Variants in SYPL1 observed in about 807,000 individuals in gnomAD.
The protein encoded by SYPL1 is synaptophysin-like protein 1.
In SYPL1, 6 loss-of-function variants were observed where a neutral mutation model predicts 23.7. The ratio of observed to expected loss-of-function variants is 0.25; its 90% confidence interval spans 0.14 to 0.50. SYPL1 has a LOEUF of 0.50. Ranked by LOEUF, SYPL1 falls within the 20% of genes least tolerant of loss-of-function variation. The probability of loss-of-function intolerance (pLI) is 0.98; values close to 1 mark genes in which losing one functional copy is unlikely to be tolerated. For synonymous variants in SYPL1, 102 were observed against 104.5 expected (o/e 0.98, Z 0.15); for missense variants, 253 against 288.9 (o/e 0.88, Z 0.90).
Position 106,091,711 on chromosome 7 carries a change from A to G in SYPL1, c.*94T>C, listed in dbSNP as rs779723643. ...AACCCACCAATATATTGACAAAGCC[A>G]TTACTTTTATTAGAAACAAATAATG... On this transcript the variant is annotated 3_prime_UTR_variant, in exon 5 of 5. Coordinates refer to ENST00000455385, the MANE Select transcript of SYPL1 (RefSeq NM_182715.4). The surrounding 1 kb of genome is among the most constrained non-coding windows in gnomAD (Gnocchi z 5.0). The G allele has an allele frequency of 2.1e-5, 28 of 1,364,138 alleles. No individual in the cohort carries two copies. The highest frequency in any genetic ancestry group is 2.6e-5 in the Non-Finnish European group (27 of 1,024,262). 84.5% of individuals were successfully genotyped at this position (1,364,138 alleles called of 1,614,324 possible).
chr7:106,098,014 G>A, intron 2 of SYPL1, 117 bp from the exon 3 acceptor site: 2 of 819,546 alleles, frequency 2.4e-6, no homozygotes, highest in South Asian at 4.1e-5. Context: ...ACATTCCTTT[G>A]GGGAAAAAAG....
rs1191112809 is a variant in SYPL1 at position 106,094,922 on chromosome 7, G to C, written c.403-1785C>G. 3.3e-5 allele frequency among the ~76,000 whole-genome samples: 5 copies of C among 152,146 alleles called. No homozygotes were observed. In the South Asian group the frequency reaches 6.2e-4, roughly 19 times the overall value. On this transcript the variant is annotated intron_variant, in intron 3 of 4. Coordinates refer to ENST00000455385, the MANE Select transcript of SYPL1 (RefSeq NM_182715.4). ...CGTGGGGGGAATTCTGGTCCCTTCA[G>C]ATAGTATTTGCTCTACTCAGGACTC...
rs897651428 is a variant in SYPL1, at chr7:106,109,663, C to T, written c.69+2477G>A. Among the ~76,000 whole-genome samples, 4 of 152,170 alleles carry T rather than the reference C, an allele frequency of 2.6e-5. No individual in the cohort carries two copies. Among genetic ancestry groups the T allele is most frequent in the Non-Finnish European group, 4.4e-5 (3 of 68,034 alleles). ...TCAATACATCTGAAACCTTTGACTT[C>T]CCATAAAATCTGCTCCTCCTCCTCT... On this transcript the variant is annotated intron_variant, in intron 1 of 4. Coordinates refer to ENST00000455385, the MANE Select transcript of SYPL1 (RefSeq NM_182715.4). The surrounding 1 kb of genome is among the most constrained non-coding windows in gnomAD (Gnocchi z 4.3).
chr7:106,094,617 C>A (rs1839923486), intron 3 of SYPL1, among the ~76,000 whole-genome samples: 1 of 152,188 alleles, frequency 6.6e-6, no homozygotes, highest in Non-Finnish European at 1.5e-5. Flanking sequence ...TGCAGGTAGA[C>A]ATTTTCTAAA....
intron 3 of SYPL1, 38 bp from the exon 4 acceptor site, chr7:106,093,175 T>C: frequency 6.8e-7 from 1 of 1,474,080 alleles, no homozygotes; most frequent in Non-Finnish European, 9.1e-7. Flanking sequence ...AATGAACAGT[T>C]AATTTTAATA....
At chr7:106,111,151 C>A (rs540447128) in intron 1 of SYPL1, among the ~76,000 whole-genome samples, 1 of 152,282 alleles carries the variant, frequency 6.6e-6, no homozygotes, top group Admixed American at 6.5e-5. Flanking sequence ...CATTAGGTAC[C>A]CATCAGAGAA....
At chr7:106,107,183 ATAT>A (rs1452581469) in intron 1 of SYPL1, among the ~76,000 whole-genome samples, 1 of 152,232 alleles carries the variant, frequency 6.6e-6, no homozygotes, top group African/African-American at 2.4e-5. Context: ...TTAAAATGAA[ATAT>A]TATAGCACGT....
intron 1 of SYPL1, among the ~76,000 whole-genome samples, chr7:106,110,088 T>A (rs1790067614): frequency 6.6e-6 from 1 of 152,114 alleles, no homozygotes; most frequent in Admixed American, 6.5e-5. Context: ...AACACTCCAA[T>A]ATTCCATACC....
chr7:106,102,410 C>G (rs183923800), intron 1 of SYPL1, among the ~76,000 whole-genome samples: 3 of 152,178 alleles, frequency 2.0e-5, no homozygotes, highest in Non-Finnish European at 4.4e-5. Flanking sequence ...ATTGCAACTT[C>G]TGTCTTCCTT....
rs1272758889 is a variant in SYPL1, at chr7:106,109,525, T to C, written c.69+2615A>G. 6.6e-6 allele frequency among the ~76,000 whole-genome samples: 1 copy of C among 152,254 alleles called. No homozygotes were observed. Among genetic ancestry groups the C allele is most frequent in the Non-Finnish European group, 1.5e-5 (1 of 68,050 alleles). On this transcript the variant is annotated intron_variant, in intron 1 of 4. Coordinates refer to ENST00000455385, the MANE Select transcript of SYPL1 (RefSeq NM_182715.4). This position sits in a 1 kb window ranked among gnomAD's most constrained non-coding sequence, Gnocchi z 4.3. ...TTTCCTAACCATTCCTTCTCTCCTT[T>C]GCAGGCAGATATCTGCTATATCTGC...
At chr7:106,101,655 T>A (rs961962972) in intron 1 of SYPL1, among the ~76,000 whole-genome samples, 2 of 151,770 alleles carry the variant, frequency 1.3e-5, no homozygotes, top group African/African-American at 2.4e-5. Context: ...TACTAAATAA[T>A]GTTTTATGTT....
At chr7:106,093,549 C>T (rs1258459307) in intron 3 of SYPL1, among the ~76,000 whole-genome samples, 8 of 69,778 alleles carry the variant, frequency 1.1e-4, no homozygotes, top group East Asian at 1.7e-3. Flanking sequence ...CTCTGGCACC[C>T]CAATCCTAAA....
At chr7:106,093,989 A>G (rs940542907) in intron 3 of SYPL1, among the ~76,000 whole-genome samples, 1 of 152,240 alleles carries the variant, frequency 6.6e-6, no homozygotes, top group Non-Finnish European at 1.5e-5. Context: ...ATTTTAGATC[A>G]TAAGTCTAAT....
rs1236782259 is a variant in SYPL1 at position 106,104,148 on chromosome 7, T to G, written c.70-4866A>C. On this transcript the variant is annotated intron_variant, in intron 1 of 4. Transcript: ENST00000455385. This position sits in a 1 kb window ranked among gnomAD's most constrained non-coding sequence, Gnocchi z 4.1. ...TCTTTTAAGGCCCTACCCAATTCCC[T>G]GTGGTAGAACTCATGATTCTTCTCT... 1.3e-5 allele frequency among the ~76,000 whole-genome samples: 2 copies of G among 152,204 alleles called. No individual in the cohort carries two copies. The highest frequency in any genetic ancestry group is 2.9e-5 in the Non-Finnish European group (2 of 68,026).
At chr7:106,094,867 T>C (rs1839939092) in intron 3 of SYPL1, among the ~76,000 whole-genome samples, 1 of 152,094 alleles carries the variant, frequency 6.6e-6, no homozygotes, top group Admixed American at 6.5e-5. Context: ...TTTCTGAAAA[T>C]GATGCACAAA....
At chr7:106,107,898 T>G (rs562293309) in intron 1 of SYPL1, among the ~76,000 whole-genome samples, 1 of 151,912 alleles carries the variant, frequency 6.6e-6, no homozygotes, top group Non-Finnish European at 1.5e-5. Flanking sequence ...TATATTTATT[T>G]AAAAATCATT....
chr7:106,100,826 C>T lies in SYPL1; in HGVS notation c.70-1544G>A, dbSNP rs1840271358. Among the ~76,000 whole-genome samples the T allele has an allele frequency of 6.6e-6, 1 of 152,174 alleles. No individual in the cohort carries two copies. Among genetic ancestry groups the T allele is most frequent in the South Asian group, 2.1e-4 (1 of 4,830 alleles). On this transcript the variant is annotated intron_variant, in intron 1 of 4. Transcript: ENST00000455385. The surrounding 1 kb of genome is among the most constrained non-coding windows in gnomAD (Gnocchi z 5.1). ...AATGTTATCCTTTGCTCAAAACCCTCCAATGGCTTTTGAGCTCTCTATGAA... is the reference window on the plus strand; with the variant it reads ...AATGTTATCCTTTGCTCAAAACCCTTCAATGGCTTTTGAGCTCTCTATGAA...
rs1179904335 is a variant in SYPL1, at chr7:106,101,139, C to T, written c.70-1857G>A. On this transcript the variant is annotated intron_variant, in intron 1 of 4. Transcript: ENST00000455385. ...ATATCAAATAACAGCACTCCTACCC[C>T]GCACTACCTATTCCCTCTACTCTAT... is the stretch of plus-strand genomic sequence containing the variant. Among the ~76,000 whole-genome samples, 4 of 152,084 alleles carry T rather than the reference C, an allele frequency of 2.6e-5. No individual in the cohort carries two copies. The East Asian group carries it at 5.8e-4, about 22-fold the overall frequency.
chr7:106,094,475 G>A (rs946989753), intron 3 of SYPL1, among the ~76,000 whole-genome samples: 3 of 152,166 alleles, frequency 2.0e-5, no homozygotes, highest in African/African-American at 7.2e-5. Context: ...TTTTGTATCT[G>A]AGCTCTCTGC....
Sources: allele counts gnomAD v4.1 joint callset (sites outside exome capture counted in the v4.1 genomes callset), GRCh38; gene constraint gnomAD v4.1.1; non-coding constraint Gnocchi (gnomAD v3.1); transcripts MANE v1.5; gene names NCBI Gene and HGNC (gene_info 2026-07-23, HGNC 2026-07-21).